Variants in KANSL1 observed in about 807,000 individuals in gnomAD.
KANSL1 encodes KAT8 regulatory NSL complex subunit 1.
Under a neutral mutation model 103.6 loss-of-function variants are expected in KANSL1, and 22 were observed. The ratio of observed to expected loss-of-function variants is 0.21; its 90% CI spans 0.15 to 0.30. The LOEUF is 0.30. KANSL1 is among the 10% of genes least tolerant of loss of function. The pLI is 1.00. For missense variants in KANSL1, 1,337 were observed against 1,399.8 expected, an observed-to-expected ratio of 0.96 and a Z score of 0.72; for synonymous variants, 600 against 527.6, an observed-to-expected ratio of 1.14 and a Z score of -1.88.
chr17:46,156,034 C>G, intron 2 of KANSL1, among the ~76,000 whole-genome samples: 1 of 152,198 alleles, frequency 6.6e-6, no homozygotes, highest in South Asian at 2.1e-4. Flanking sequence ...AAAAAAACTT[C>G]TCCTCCTAAG....
At chr17:46,192,140 T>C (rs1276309305) in intron 1 of KANSL1, among the ~76,000 whole-genome samples, 1 of 152,130 alleles carries the variant, frequency 6.6e-6, no homozygotes, top group African/African-American at 2.4e-5. Context: ...GATTCCAACA[T>C]TGGAAAACGA....
At chr17:46,114,599 T>C (rs1056770384) in intron 2 of KANSL1, among the ~76,000 whole-genome samples, 5 of 152,214 alleles carry the variant, frequency 3.3e-5, no homozygotes, top group African/African-American at 9.6e-5. Flanking sequence ...GTCAGTATTT[T>C]ATTACAATCT....
intron 1 of KANSL1, among the ~76,000 whole-genome samples, chr17:46,187,826 A>T (rs2047102465): frequency 6.6e-6 from 1 of 152,072 alleles, no homozygotes; most frequent in Non-Finnish European, 1.5e-5. Context: ...AAAATGTTTG[A>T]TTTTTTTCTT....
chr17:46,173,835 A>T (rs2046397427), intron 1 of KANSL1, among the ~76,000 whole-genome samples: 1 of 152,220 alleles, frequency 6.6e-6, no homozygotes, highest in Non-Finnish European at 1.5e-5. Flanking sequence ...TGCATTTTTT[A>T]AAAATATTCT....
chr17:46,210,818 A>G (rs1414377798), intron 1 of KANSL1, among the ~76,000 whole-genome samples: 1 of 152,260 alleles, frequency 6.6e-6, no homozygotes, highest in Non-Finnish European at 1.5e-5. Flanking sequence ...ACTAAGATTT[A>G]TATTCAGCTT....
At chr17:46,211,846 C>A (rs1427574352) in intron 1 of KANSL1, among the ~76,000 whole-genome samples, 1 of 152,184 alleles carries the variant, frequency 6.6e-6, no homozygotes, top group African/African-American at 2.4e-5. Flanking sequence ...AAAATAGATT[C>A]AAGTGCTCGG....
intron 6 of KANSL1, among the ~76,000 whole-genome samples, chr17:46,051,079 G>A (rs1241085387): frequency 6.6e-6 from 1 of 152,124 alleles, no homozygotes; most frequent in Non-Finnish European, 1.5e-5. Context: ...CCGCTAAGAC[G>A]AACAGTTGGT....
chr17:46,211,299 C>A (rs1019435818), intron 1 of KANSL1, among the ~76,000 whole-genome samples: 1 of 149,604 alleles, frequency 6.7e-6, no homozygotes, highest in African/African-American at 2.5e-5. Context: ...ATCAAGGGTA[C>A]CCAATCGTTT....
Position 46,171,223 on chromosome 17 carries a change from A to G in KANSL1, c.921T>C (p.Val307=). The G allele has an allele frequency of 6.2e-7, 1 of 1,614,050 alleles. No homozygotes were observed. Among genetic ancestry groups the G allele is most frequent in the Non-Finnish European group, 8.5e-7 (1 of 1,180,052 alleles). Residue 307 remains valine, a synonymous_variant, in exon 2 of 15, where the codon GTT becomes GTC. Transcript: ENST00000432791. ...GCCTCTCAACCTGCTTGGCTTGCAC[A>G]ACCTGTAAGCGCTTTTGTAATCTGC... is the stretch of plus-strand genomic sequence containing the variant. ...RARRLQKRLQ[V]VQAKQVERHI...
chr17:46,160,294 C>T (rs1448894190), intron 2 of KANSL1, among the ~76,000 whole-genome samples: 1 of 152,158 alleles, frequency 6.6e-6, no homozygotes, highest in Non-Finnish European at 1.5e-5. Context: ...AATGTCCCTC[C>T]TCTACCCATC....
At position 46,106,147 on chromosome 17, in the gene KANSL1, G is replaced by C. The variant is rs562957225; in HGVS notation, c.1290-11446C>G. 5.9e-5 allele frequency among the ~76,000 whole-genome samples: 9 copies of C among 152,296 alleles called. No homozygotes were observed. The South Asian group carries it at 1.4e-3, about 25-fold the overall frequency. On this transcript the variant is annotated intron_variant, in intron 2 of 14. Coordinates refer to ENST00000432791, the MANE Select transcript of KANSL1 (RefSeq NM_015443.4). Reference sequence around the variant, plus strand: ...TTTGAAAATACGGTTTATTGGAAAAGAGTATGGTGTCTGGAGTCAGTGAAC... The same window carrying C: ...TTTGAAAATACGGTTTATTGGAAAACAGTATGGTGTCTGGAGTCAGTGAAC...
chr17:46,186,680 G>A (rs1392691155), intron 1 of KANSL1, among the ~76,000 whole-genome samples: 2 of 152,198 alleles, frequency 1.3e-5, no homozygotes, highest in African/African-American at 4.8e-5. Context: ...GGTAACATAT[G>A]GAGAGTTTAA....
rs1555760955 is a variant in KANSL1, at chr17:46,096,317, T to TTTTTC, written c.1290-1617_1290-1616insGAAAA. On this transcript the variant is annotated intron_variant, in intron 2 of 14. Coordinates refer to ENST00000432791, the MANE Select transcript of KANSL1 (RefSeq NM_015443.4). ...ACATACCTGGCTTTTTTTTCTTTTT[T>TTTTTC]TTTTTTTTTTTTTTTGAGATGGAGT... is the stretch of plus-strand genomic sequence containing the variant. Among the ~76,000 whole-genome samples, 157 of 133,384 alleles carry TTTTTC rather than the reference T, an allele frequency of 1.2e-3. 2 individuals are homozygous for TTTTTC. Among genetic ancestry groups the TTTTTC allele is most frequent in the African/African-American group, 4.4e-3 (154 of 34,612 alleles). 87.5% of individuals were successfully genotyped at this position (133,384 alleles called of 152,430 possible). A position where few individuals can be genotyped will look rare whatever the true frequency, so the allele number is the denominator to read the frequency against.
intron 2 of KANSL1, among the ~76,000 whole-genome samples, chr17:46,165,710 C>A (rs2045962490): frequency 6.6e-6 from 1 of 151,130 alleles, no homozygotes; most frequent in Admixed American, 6.6e-5. Context: ...GGGGTTTCAC[C>A]ATGTTGGCCA....
At position 46,039,828 on chromosome 17, in the gene KANSL1, G is replaced by C. The variant is rs1057520758; in HGVS notation, c.2077C>G (p.Pro693Ala). The C allele has an allele frequency of 2.5e-6, 4 of 1,614,050 alleles. No homozygotes were observed. In the East Asian group the frequency reaches 6.7e-5, roughly 27 times the overall value. Residue 693 changes from proline to alanine, a missense_variant, in exon 8 of 15, where the codon CCT becomes GCT. By Grantham distance (27) the Pro-to-Ala change is conservative (BLOSUM62 -1). Coordinates refer to ENST00000432791, the MANE Select transcript of KANSL1 (RefSeq NM_015443.4). ...TTGGGAGGTTTGATTTTGTCAAAAG[G>C]CTTGTTCTGCCACTGAGATTTCAGC... ...SMLKSQWQNKPFDKIKPPKKL... is the reference protein window; with the variant it reads ...SMLKSQWQNKAFDKIKPPKKL...
intron 2 of KANSL1, among the ~76,000 whole-genome samples, chr17:46,114,652 A>G (rs891695654): frequency 6.6e-6 from 1 of 152,254 alleles, no homozygotes; most frequent in Non-Finnish European, 1.5e-5. Flanking sequence ...ATTTAAAGAC[A>G]TATACACTCT....
chr17:46,103,724 T>C (rs376075354), intron 2 of KANSL1, among the ~76,000 whole-genome samples: 2 of 152,338 alleles, frequency 1.3e-5, no homozygotes, highest in South Asian at 2.1e-4. Flanking sequence ...ACTTCTAAAC[T>C]TGATAATTTG....
chr17:46,153,601 A>T (rs1377693297), intron 2 of KANSL1, among the ~76,000 whole-genome samples: 1 of 152,244 alleles, frequency 6.6e-6, no homozygotes. Flanking sequence ...TGAAGACTAC[A>T]TGGAAGGGCT....
chr17:46,154,782 C>T (rs373184481), intron 2 of KANSL1, among the ~76,000 whole-genome samples: 235 of 152,310 alleles, frequency 1.5e-3, no homozygotes, highest in African/African-American at 5.5e-3. Context: ...ACAATCAGAG[C>T]ATAAGTAACC....
Sources: allele counts gnomAD v4.1 joint callset (sites outside exome capture counted in the v4.1 genomes callset), GRCh38; gene constraint gnomAD v4.1.1; transcripts MANE v1.5; gene names NCBI Gene and HGNC (gene_info 2026-07-23, HGNC 2026-07-21).